The following TNIK variants were observed in gnomAD, a reference collection of about 807,000 sequenced individuals.
The protein encoded by TNIK is TRAF2 and NCK-interacting protein kinase.
Under a neutral mutation model 191.3 loss-of-function variants are expected in TNIK, and 49 were observed. The observed-to-expected ratio is 0.26, with a 90% CI of 0.20 to 0.32. The LOEUF (loss-of-function observed/expected upper bound fraction) is 0.32, where lower values mean the gene tolerates loss of function less well. TNIK is among the 10% of genes least tolerant of loss of function. The pLI is 1.00. For missense variants in TNIK, 1,155 were observed against 1,702.3 expected (o/e 0.68, Z 5.66); for synonymous variants, 594 against 600.9 (o/e 0.99, Z 0.17).
chr3:171,187,432 G>A (rs1396321914), intron 7 of TNIK, among the ~76,000 whole-genome samples: 1 of 152,156 alleles, frequency 6.6e-6, no homozygotes, highest in Non-Finnish European at 1.5e-5. Context: ...AGACCTTCAA[G>A]CTTGCAATTC....
intron 4 of TNIK, among the ~76,000 whole-genome samples, chr3:171,209,434 CTTAG>C (rs1740512962): frequency 6.6e-6 from 1 of 151,950 alleles, no homozygotes; most frequent in Non-Finnish European, 1.5e-5. Flanking sequence ...AATATTTTTA[CTTAG>C]TTATTTGCAT....
chr3:171,303,246 G>C (rs1234415695), intron 2 of TNIK, among the ~76,000 whole-genome samples: 1 of 152,080 alleles, frequency 6.6e-6, no homozygotes, highest in African/African-American at 2.4e-5. Flanking sequence ...ATTTAAGTTG[G>C]AGACAGTCAG....
chr3:171,140,250 C>T (rs372798556), intron 13 of TNIK, 149 bp downstream of exon 13: 1 of 609,194 alleles, frequency 1.6e-6, no homozygotes, highest in Non-Finnish European at 2.7e-6. Context: ...GTACATTTGA[C>T]TTCTTGAATA....
In TNIK at chr3:171,063,334, A is replaced by G. The variant is rs1246075285; in HGVS notation, c.*547T>C. On this transcript the variant is annotated 3_prime_UTR_variant, in exon 33 of 33. Coordinates refer to ENST00000436636, the MANE Select transcript of TNIK (RefSeq NM_015028.4). ...AACCTTTTGGGTTGGTGAAGGCAAG[A>G]GAGTTCTTAAATTACTCCACTATGT... 1 of 152,250 alleles carries G rather than the reference A, an allele frequency of 6.6e-6. No individual in the cohort carries two copies. Among genetic ancestry groups the G allele is most frequent in the Non-Finnish European group, 1.5e-5 (1 of 68,054 alleles). 9.4% of individuals were successfully genotyped at this position (152,250 alleles called of 1,614,324 possible).
chr3:171,338,798 C>T (rs1352894617), intron 2 of TNIK, among the ~76,000 whole-genome samples: 5 of 152,028 alleles, frequency 3.3e-5, no homozygotes, highest in Non-Finnish European at 5.9e-5. Flanking sequence ...CCACCATGCC[C>T]GGCCCTAAGT....
At chr3:171,420,145 C>T (rs1014836300) in intron 1 of TNIK, among the ~76,000 whole-genome samples, 5 of 152,170 alleles carry the variant, frequency 3.3e-5, no homozygotes, top group African/African-American at 1.2e-4. Flanking sequence ...TTTATTTCAA[C>T]CGATGTTTCA....
chr3:171,305,748 G>A (rs1448757488), intron 2 of TNIK, among the ~76,000 whole-genome samples: 2 of 152,146 alleles, frequency 1.3e-5, no homozygotes, highest in African/African-American at 4.8e-5. Context: ...AAAAGGCAAC[G>A]CTTATACACT....
At chr3:171,270,327 T>C (rs890502684) in intron 2 of TNIK, among the ~76,000 whole-genome samples, 1 of 152,100 alleles carries the variant, frequency 6.6e-6, no homozygotes, top group African/African-American at 2.4e-5. Flanking sequence ...TTGGACCACT[T>C]AGGAAAAGGC....
chr3:171,389,024 A>G (rs943751865), intron 1 of TNIK, among the ~76,000 whole-genome samples: 4 of 152,200 alleles, frequency 2.6e-5, no homozygotes, highest in African/African-American at 9.6e-5. Context: ...AAGCACTTAC[A>G]TGCATTTTCT....
chr3:171,233,571 C>G (rs1157416766), intron 2 of TNIK, among the ~76,000 whole-genome samples: 3 of 152,114 alleles, frequency 2.0e-5, no homozygotes, highest in Non-Finnish European at 4.4e-5. Flanking sequence ...GGCCCTTAGC[C>G]AAAGAGCCAC....
Position 171,204,266 on chromosome 3 carries a change from G to A in TNIK, c.306+6850C>T, listed in dbSNP as rs1042655341. ...AAGGAGAATTACTTGGCCATTATCT[G>A]AAGTAGTTGTATTTCCACAAAGAGC... is the stretch of plus-strand genomic sequence containing the variant. On this transcript the variant is annotated intron_variant, in intron 4 of 32. Transcript: ENST00000436636. Among the ~76,000 whole-genome samples the A allele has an allele frequency of 7.2e-5, 11 of 152,300 alleles. No homozygotes were observed. The East Asian group carries it at 7.7e-4, about 11-fold the overall frequency.
chr3:171,138,156 T>G, intron 15 of TNIK, 35 bp downstream of exon 15: 3 of 1,515,298 alleles, frequency 2.0e-6, no homozygotes, highest in Non-Finnish European at 2.6e-6. Context: ...GTCAAAAGCC[T>G]GGCCAACAGG....
chr3:171,167,382 C>T, intron 9 of TNIK, 112 bp from the exon 10 acceptor site: 1 of 1,292,978 alleles, frequency 7.7e-7, no homozygotes, highest in Non-Finnish European at 1.0e-6. Flanking sequence ...AATTGGCTGG[C>T]ATAGGGATCA....
At chr3:171,229,049 G>A (rs1381986764) in intron 2 of TNIK, among the ~76,000 whole-genome samples, 1 of 152,156 alleles carries the variant, frequency 6.6e-6, no homozygotes, top group East Asian at 1.9e-4. Context: ...TCTAAGATCA[G>A]CTGGGTTCAA....
At chr3:171,209,617 C>T (rs949495140) in intron 4 of TNIK, among the ~76,000 whole-genome samples, 2 of 151,966 alleles carry the variant, frequency 1.3e-5, no homozygotes, top group Admixed American at 6.6e-5. Context: ...TTCATATTTA[C>T]ATCTATTATA....
chr3:171,345,527 C>A (rs73171595), intron 2 of TNIK, among the ~76,000 whole-genome samples: 4 of 151,920 alleles, frequency 2.6e-5, no homozygotes, highest in Non-Finnish European at 5.9e-5. Flanking sequence ...GCAGAAGTAT[C>A]TATGGTTATG....
intron 7 of TNIK, among the ~76,000 whole-genome samples, chr3:171,183,625 G>T (rs1480987747): frequency 6.6e-6 from 1 of 151,856 alleles, no homozygotes; most frequent in Non-Finnish European, 1.5e-5. Context: ...GCCTTTTAGG[G>T]GTAAAAAATG....
chr3:171,452,217 G>GA (rs1256107101), intron 1 of TNIK, among the ~76,000 whole-genome samples: 23 of 151,966 alleles, frequency 1.5e-4, no homozygotes, highest in Admixed American at 8.5e-4. Context: ...CTGACAGCTG[G>GA]AAAAAAATAG....
intron 2 of TNIK, among the ~76,000 whole-genome samples, chr3:171,305,413 C>G (rs1005285856): frequency 2.6e-5 from 4 of 152,108 alleles, no homozygotes; most frequent in African/African-American, 9.7e-5. Context: ...AAACTATCAG[C>G]AGAGTGAACA....
Sources: allele counts gnomAD v4.1 joint callset (sites outside exome capture counted in the v4.1 genomes callset), GRCh38; gene constraint gnomAD v4.1.1; transcripts MANE v1.5; gene names NCBI Gene and HGNC (gene_info 2026-07-23, HGNC 2026-07-21).